The following HELLS variants were observed in gnomAD, a reference collection of about 807,000 sequenced individuals.
The protein encoded by HELLS is helicase, lymphoid specific.
HELLS carries 32 observed loss-of-function variants against 120.0 expected under a neutral mutation model. The observed-to-expected ratio is 0.27, with a 90% CI of 0.20 to 0.36. The LOEUF is 0.36. HELLS is among the 10% of genes least tolerant of loss of function. The pLI, the probability that HELLS is intolerant of heterozygous loss-of-function variation, is 1.00. For missense variants in HELLS, 650 were observed against 993.4 expected (o/e 0.65, Z 4.65); for synonymous variants, 341 against 323.4 (o/e 1.05, Z -0.58).
In HELLS at chr10:94,562,795, A is replaced by T; in HGVS notation, c.371-17A>T. On this transcript the variant is annotated splice_polypyrimidine_tract_variant and intron_variant, in intron 5 of 21. Transcript: ENST00000348459. ...TTCTATTTTAATTGCTATCAAAAATAAAATTTTTTTTTATAGTTATGAGGA... is the reference window on the plus strand; with the variant it reads ...TTCTATTTTAATTGCTATCAAAAATTAAATTTTTTTTTATAGTTATGAGGA... 6.5e-7 allele frequency: 1 copy of T among 1,544,862 alleles called. No individual in the cohort carries two copies. The highest frequency in any genetic ancestry group is 8.8e-7 in the Non-Finnish European group (1 of 1,132,784).
chr10:94,564,880 G>A (rs1843714938), intron 6 of HELLS, among the ~76,000 whole-genome samples: 1 of 151,784 alleles, frequency 6.6e-6, no homozygotes, highest in Non-Finnish European at 1.5e-5. Context: ...CAGGCATGAG[G>A]CACCACTCCT....
In HELLS at chr10:94,580,842, G is replaced by A. The variant is rs111818407; in HGVS notation, c.1033-484G>A. 3.0e-4 allele frequency among the ~76,000 whole-genome samples: 45 copies of A among 152,246 alleles called. 1 individual carries two copies. Among genetic ancestry groups the A allele is most frequent in the Non-Finnish European group, 6.2e-4 (42 of 68,002 alleles). ...AAATCACAGATATTAAAATGAGAAA[G>A]TTAAAACAATTTCCTTGATAACTTT... On this transcript the variant is annotated intron_variant, in intron 10 of 21. Transcript: ENST00000348459.
chr10:94,568,582 T>C (rs1843958521), intron 6 of HELLS, among the ~76,000 whole-genome samples: 1 of 152,164 alleles, frequency 6.6e-6, no homozygotes, highest in Non-Finnish European at 1.5e-5. Flanking sequence ...CTAGCTCTCA[T>C]TGTCAAGAGT....
At chr10:94,571,715 G>A (rs917316032) in intron 7 of HELLS, among the ~76,000 whole-genome samples, 5 of 152,138 alleles carry the variant, frequency 3.3e-5, no homozygotes, top group Non-Finnish European at 5.9e-5. Context: ...ACAAGTGCTC[G>A]TAACCATGTG....
rs761267480 is a variant in HELLS at position 94,590,791 on chromosome 10, A to G, written c.1767+15A>G. On this transcript the variant is annotated intron_variant, in intron 15 of 21. Coordinates refer to ENST00000348459, the MANE Select transcript of HELLS (RefSeq NM_018063.5). ...AAGAATTTAAGGTGAATACTGTTTAATTCTAATTTACTGTTTTGATTTCCA... is the reference window on the plus strand; with the variant it reads ...AAGAATTTAAGGTGAATACTGTTTAGTTCTAATTTACTGTTTTGATTTCCA... The G allele has an allele frequency of 2.2e-6, 3 of 1,373,400 alleles. No homozygotes were observed. The highest frequency in any genetic ancestry group is 2.9e-5 in the African/African-American group (2 of 67,896). The allele number at this position is 1,373,400 out of a possible 1,614,324, so 85.1% of individuals were successfully genotyped here.
chr10:94,569,991 A>G (rs948542973), intron 6 of HELLS: 20 of 152,114 alleles, frequency 1.3e-4, no homozygotes, highest in African/African-American at 4.3e-4. Context: ...TATAGTAACT[A>G]TAAGTTAAAT....
chr10:94,578,000 T>C (rs1171368942), intron 10 of HELLS, among the ~76,000 whole-genome samples: 4 of 148,570 alleles, frequency 2.7e-5, no homozygotes, highest in African/African-American at 1.0e-4. Context: ...GAAGCGGAGC[T>C]TGCAGTGAGC....
At chr10:94,586,299 T>G (rs1845144383) in intron 12 of HELLS, among the ~76,000 whole-genome samples, 3 of 152,114 alleles carry the variant, frequency 2.0e-5, no homozygotes, top group Admixed American at 2.0e-4. Context: ...TTTTTCTATT[T>G]TTTAGTAGAG....
intron 10 of HELLS, 41 bp downstream of exon 10, chr10:94,576,846 C>T: frequency 6.6e-7 from 1 of 1,517,290 alleles, no homozygotes. Context: ...ATACATAAAA[C>T]ATGCTTTTCT....
chr10:94,596,541 G>A (rs1845748393), intron 19 of HELLS, among the ~76,000 whole-genome samples: 1 of 151,842 alleles, frequency 6.6e-6, no homozygotes, highest in Non-Finnish European at 1.5e-5. Context: ...CCTGTTGGTC[G>A]ACATTTAAAT....
At chr10:94,592,201 A>AT in intron 15 of HELLS, 28 bp from the exon 16 acceptor site, 2 of 1,517,862 alleles carry the variant, frequency 1.3e-6, no homozygotes, top group Non-Finnish European at 9.0e-7. Flanking sequence ...TTTTCTCTCT[A>AT]TTTTTTCTTC....
intron 2 of HELLS, among the ~76,000 whole-genome samples, chr10:94,552,698 A>G (rs564453932): frequency 1.8e-4 from 28 of 152,330 alleles, no homozygotes; most frequent in Non-Finnish European, 2.5e-4. Context: ...TTGGTTGGGC[A>G]TGGTGGCACA....
intron 3 of HELLS, among the ~76,000 whole-genome samples, chr10:94,556,983 T>G (rs918708974): frequency 1.3e-5 from 2 of 152,234 alleles, no homozygotes; most frequent in African/African-American, 4.8e-5. Context: ...GCCTGGAACC[T>G]TCTTCCTCTA....
intron 2 of HELLS, among the ~76,000 whole-genome samples, chr10:94,546,802 G>GT (rs1842773009): frequency 6.6e-6 from 1 of 152,150 alleles, no homozygotes; most frequent in South Asian, 2.1e-4. Context: ...GAGTTTTTTC[G>GT]TTTGTCATCC....
exon 10 of HELLS, chr10:94,609,962 GAA>G (rs1846173417): frequency 6.6e-6 from 1 of 152,182 alleles, no homozygotes; most frequent in East Asian, 1.9e-4. Flanking sequence ...GAGCAGACCT[GAA>G]GAGAGGCATC....
downstream of HELLS, among the ~76,000 whole-genome samples, chr10:94,606,386 A>G (rs969207407): frequency 3.3e-5 from 5 of 151,770 alleles, no homozygotes; most frequent in Non-Finnish European, 7.4e-5. Flanking sequence ...GCTGTTGTCC[A>G]GGTTGGAGAG....
chr10:94,609,760 G>A (rs879899203), intron 9 of HELLS: 1 of 152,164 alleles, frequency 6.6e-6, no homozygotes, highest in Non-Finnish European at 1.5e-5. Context: ...AGGCACATTT[G>A]GGAGCATGGC....
rs1394964045 is a variant in HELLS, at chr10:94,592,525, T to G, written c.1971+11T>G. On this transcript the variant is annotated intron_variant, in intron 17 of 21. Coordinates refer to ENST00000348459, the MANE Select transcript of HELLS (RefSeq NM_018063.5). Reference sequence around the variant, plus strand: ...GAGAGAGAAAAAAACGTAAGACTACTTATGTCATACATACCAAACTATTCT... The same window carrying G: ...GAGAGAGAAAAAAACGTAAGACTACGTATGTCATACATACCAAACTATTCT... 12 of 1,435,520 alleles carry G rather than the reference T, an allele frequency of 8.4e-6. No individual in the cohort carries two copies. The highest frequency in any genetic ancestry group is 1.8e-4 in the Middle Eastern group (1 of 5,414). The allele number at this position is 1,435,520 out of a possible 1,614,324, so 88.9% of individuals were successfully genotyped here. A position where few individuals can be genotyped will look rare whatever the true frequency, so the allele number is the denominator to read the frequency against.
chr10:94,557,357 A>G (rs766698840), intron 3 of HELLS, among the ~76,000 whole-genome samples: 3 of 152,214 alleles, frequency 2.0e-5, no homozygotes, highest in Non-Finnish European at 4.4e-5. Flanking sequence ...AAATGGAAAA[A>G]CAAATATTCA....
Sources: allele counts gnomAD v4.1 joint callset (sites outside exome capture counted in the v4.1 genomes callset), GRCh38; gene constraint gnomAD v4.1.1; transcripts MANE v1.5; gene names NCBI Gene and HGNC (gene_info 2026-07-23, HGNC 2026-07-21).